Variants in FGF13 observed in about 807,000 individuals in gnomAD.
The protein encoded by FGF13 is fibroblast growth factor homologous factor 2.
Under a neutral mutation model 19.5 loss-of-function variants are expected in FGF13, and 2 were observed. That is an observed-to-expected ratio of 0.10 (90% CI 0.04 to 0.32). The LOEUF is 0.32. Among genes scored for constraint, FGF13 ranks in the 10% least tolerant of loss-of-function variants. The probability of loss-of-function intolerance (pLI) is 1.00; values close to 1 mark genes in which losing one functional copy is unlikely to be tolerated. For missense variants in FGF13, 113 were observed against 192.7 expected (o/e 0.59, Z 2.45); for synonymous variants, 72 against 76.9 (o/e 0.94, Z 0.33).
chrX:139,189,832 A>C (rs2084311035), intron 1 of FGF13, among the ~76,000 whole-genome samples: 2 of 111,924 alleles, frequency 1.8e-5, no homozygotes, highest in Admixed American at 1.9e-4. Context: ...TAAGATGGTA[A>C]ATTTTATGTT....
chrX:138,692,218 A>G (rs1355839960), intron 3 of FGF13, among the ~76,000 whole-genome samples: 1 of 111,644 alleles, frequency 9.0e-6, no homozygotes, highest in Non-Finnish European at 1.9e-5. Context: ...ATACATCTCT[A>G]TTAATTATTT....
rs563779731 is a variant in FGF13 at position 138,813,152 on chromosome X, A to G, written c.217+44360T>C. ...AACATACATGTTCATGTGTCTTTAT[A>G]GTAGAATGATTTATATTCCTTTGAG... is the stretch of plus-strand genomic sequence containing the variant. On this transcript the variant is annotated intron_variant, in intron 3 of 6. Coordinates refer to the FGF13 transcript ENST00000436198. Among the ~76,000 whole-genome samples, 6 of 112,219 alleles carry G rather than the reference A, an allele frequency of 5.3e-5. No individual in the cohort carries two copies. In the South Asian group the frequency reaches 2.2e-3, roughly 42 times the overall value.
chrX:138,651,224 T>C (rs992486905), intron 3 of FGF13, among the ~76,000 whole-genome samples: 17 of 111,220 alleles, frequency 1.5e-4, no homozygotes, highest in African/African-American at 3.6e-4. Flanking sequence ...GAAATAGGAG[T>C]AGACAAATTT....
chrX:138,732,722 CTTTA>C (rs1432468886), intron 1 of FGF13, among the ~76,000 whole-genome samples: 1 of 110,468 alleles, frequency 9.1e-6, no homozygotes, highest in Non-Finnish European at 1.9e-5. Context: ...CATCTGAGCA[CTTTA>C]TTTTATATAA....
rs970856308 is a variant in FGF13, at chrX:138,616,350, G to A, written c.*16500C>T. ...GCCCATGCAAGTCCAAAATCCAATAGGGCAGTCGTTAAAGCTTAAAGTTCC... is the reference window on the plus strand; with the variant it reads ...GCCCATGCAAGTCCAAAATCCAATAAGGCAGTCGTTAAAGCTTAAAGTTCC... On this transcript the variant is annotated 3_prime_UTR_variant, in exon 5 of 5. Coordinates refer to ENST00000315930, the MANE Select transcript of FGF13 (RefSeq NM_004114.5). The A allele has an allele frequency of 8.9e-6, 1 of 112,686 alleles. No individual in the cohort carries two copies. Among genetic ancestry groups the A allele is most frequent in the Non-Finnish European group, 1.9e-5 (1 of 53,296 alleles). 9.3% of individuals were successfully genotyped at this position (112,686 alleles called of 1,213,427 possible).
chrX:139,165,828 C>T (rs2084079803), intron 1 of FGF13, among the ~76,000 whole-genome samples: 1 of 111,855 alleles, frequency 8.9e-6, no homozygotes, highest in African/African-American at 3.3e-5. Context: ...ATAGTCTCCA[C>T]TTAGATTTCA....
At chrX:139,191,790 A>C (rs1014256078) in intron 1 of FGF13, among the ~76,000 whole-genome samples, 5 of 111,514 alleles carry the variant, frequency 4.5e-5, no homozygotes, top group Non-Finnish European at 9.4e-5. Context: ...ACCCTGCTCT[A>C]GACTGGCAGA....
intron 1 of FGF13, among the ~76,000 whole-genome samples, chrX:139,106,858 T>G (rs2083563844): frequency 8.9e-6 from 1 of 112,022 alleles, no homozygotes; most frequent in Non-Finnish European, 1.9e-5. Flanking sequence ...CCAAGAAGAT[T>G]CTAAGAAACT....
intron 1 of FGF13, among the ~76,000 whole-genome samples, chrX:139,167,534 A>G (rs1242027629): frequency 1.8e-5 from 2 of 111,846 alleles, no homozygotes; most frequent in East Asian, 5.6e-4. Context: ...TGGTAATAAC[A>G]TTGTGCCAGA....
intron 3 of FGF13, among the ~76,000 whole-genome samples, chrX:138,768,726 T>TATATA (rs1226957604): frequency 2.4e-4 from 23 of 97,860 alleles, no homozygotes; most frequent in African/African-American, 9.5e-4. Context: ...TAAGTATATA[T>TATATA]TATATATATA....
At chrX:139,053,190 T>C (rs951021241) in intron 1 of FGF13, among the ~76,000 whole-genome samples, 1 of 111,764 alleles carries the variant, frequency 8.9e-6, no homozygotes, top group East Asian at 2.8e-4. Flanking sequence ...TTCCTTTTTA[T>C]GGCTGAGTAG....
At chrX:138,988,238 T>A (rs767274549) in intron 1 of FGF13, among the ~76,000 whole-genome samples, 3 of 112,347 alleles carry the variant, frequency 2.7e-5, no homozygotes, top group Admixed American at 9.5e-5. Flanking sequence ...TGGCTCCAAC[T>A]AGCCATATGC....
chrX:138,926,388 G>A (rs935472753), intron 1 of FGF13, among the ~76,000 whole-genome samples: 7 of 112,227 alleles, frequency 6.2e-5, no homozygotes, highest in African/African-American at 2.3e-4. Flanking sequence ...TAACATATAA[G>A]TAAATTATGT....
intron 2 of FGF13, among the ~76,000 whole-genome samples, chrX:138,859,115 G>C (rs2091274876): frequency 8.9e-6 from 1 of 111,945 alleles, no homozygotes; most frequent in Non-Finnish European, 1.9e-5. Flanking sequence ...TTTCCGTAGA[G>C]AGTTCCCTTC....
intron 1 of FGF13, among the ~76,000 whole-genome samples, chrX:139,073,873 G>A (rs1348393137): frequency 8.9e-6 from 1 of 112,591 alleles, no homozygotes; most frequent in Non-Finnish European, 1.9e-5. Flanking sequence ...TTAGTGTGAT[G>A]AGCTGGCAAG....
At chrX:139,031,217 A>T (rs1028537205) in intron 1 of FGF13, among the ~76,000 whole-genome samples, 2 of 111,339 alleles carry the variant, frequency 1.8e-5, no homozygotes, top group African/African-American at 6.5e-5. Context: ...TGAGGCAAAA[A>T]AATAATAATA....
Position 138,951,465 on chromosome X carries a change from T to C in FGF13, c.-112-86815A>G, listed in dbSNP as rs180952984. On this transcript the variant is annotated intron_variant, in intron 1 of 2. Coordinates refer to the FGF13 transcript ENST00000421460. ...ATCAAAAGAACAGAAAAAGATTAAGTAAGCCACAGTCAGGAAAAAATATTC... is the reference window on the plus strand; with the variant it reads ...ATCAAAAGAACAGAAAAAGATTAAGCAAGCCACAGTCAGGAAAAAATATTC... Among the ~76,000 whole-genome samples, 1,061 of 111,533 alleles carry C rather than the reference T, an allele frequency of 9.5e-3. 13 individuals carry two copies. Among genetic ancestry groups the C allele is most frequent in the African/African-American group, 0.032 (986 of 30,760 alleles).
intron 1 of FGF13, among the ~76,000 whole-genome samples, chrX:139,045,700 A>C (rs1159969033): frequency 8.9e-6 from 1 of 112,375 alleles, no homozygotes. Flanking sequence ...CAGATTCCCT[A>C]AGGCATGAAC....
In FGF13 at chrX:138,675,286, A is replaced by G. The variant is rs543585491; in HGVS notation, c.402+27698T>C. ...AACGCAGAGCTCATTTGTTGTAAAA[A>G]GCTCCAAACAGAAATATTTGTTAGA... On this transcript the variant is annotated intron_variant, in intron 3 of 4. Coordinates refer to ENST00000315930, the MANE Select transcript of FGF13 (RefSeq NM_004114.5). Among the ~76,000 whole-genome samples, 5 of 112,348 alleles carry G rather than the reference A, an allele frequency of 4.5e-5. No individual in the cohort carries two copies. The South Asian group carries it at 1.9e-3, about 42-fold the overall frequency.
Sources: gnomAD v4.1 joint callset for allele counts (sites outside exome capture counted in the v4.1 genomes callset) on GRCh38, gnomAD v4.1.1 for gene constraint, MANE v1.5 for transcripts, NCBI Gene and HGNC (gene_info 2026-07-23, HGNC 2026-07-21) for gene names.